The following PCNX1 variants were observed in gnomAD, a reference collection of about 807,000 sequenced individuals.
PCNX1 encodes pecanex 1.
PCNX1 carries 78 observed loss-of-function variants against 242.2 expected under a neutral mutation model. The observed-to-expected ratio is 0.32, with a 90% CI of 0.27 to 0.39. The LOEUF (loss-of-function observed/expected upper bound fraction) is 0.39, where lower values mean the gene tolerates loss of function less well. PCNX1 is among the 10% of genes least tolerant of loss of function. The pLI is 1.00. For missense variants in PCNX1, 2,581 were observed against 2,856.5 expected (o/e 0.90, Z 2.20); for synonymous variants, 1,024 against 1,032.9 (o/e 0.99, Z 0.17).
intron 28 of PCNX1, chr14:71,085,821 G>A: frequency 2.8e-6 from 1 of 362,084 alleles, no homozygotes; most frequent in Non-Finnish European, 5.6e-6. Flanking sequence ...CAGGTGCCTG[G>A]TTCTCTGTTT....
chr14:70,916,416 A>G (rs1042468817), intron 1 of PCNX1, among the ~76,000 whole-genome samples: 2 of 152,206 alleles, frequency 1.3e-5, no homozygotes, highest in African/African-American at 4.8e-5. Flanking sequence ...TGAAGACGAA[A>G]AAAGAGCCAG....
chr14:71,045,170 T>A lies in PCNX1; in HGVS notation c.3905T>A (p.Phe1302Tyr). Residue 1302 changes from phenylalanine (F) to tyrosine (Y), a missense_variant, in exon 20 of 36, where the codon TTT becomes TAT. Coordinates refer to ENST00000304743, the MANE Select transcript of PCNX1 (RefSeq NM_014982.3). ...TATGTGTTGTATACATTGGTTGGCT[T>A]TGTGGGTTTTGTAACCCATTATGTG... ...LKYVLYTLVG[F>Y]VGFVTHYVLP... 1 of 1,612,936 alleles carries A rather than the reference T, an allele frequency of 6.2e-7. No individual in the cohort carries two copies. Among genetic ancestry groups the A allele is most frequent in the Non-Finnish European group, 8.5e-7 (1 of 1,179,444 alleles).
chr14:70,969,279 C>T (rs924334517), intron 5 of PCNX1, 169 bp downstream of exon 5: 2 of 543,464 alleles, frequency 3.7e-6, no homozygotes, highest in Non-Finnish European at 6.6e-6. Flanking sequence ...GTTACACATG[C>T]TTTTAGCTTA....
intron 30 of PCNX1, among the ~76,000 whole-genome samples, chr14:71,098,755 G>C (rs910840148): frequency 1.3e-5 from 2 of 152,140 alleles, no homozygotes; most frequent in African/African-American, 2.4e-5. Context: ...GCAGCAAAGA[G>C]AGATACTTTG....
chr14:71,053,893 C>T (rs2061109492), intron 24 of PCNX1, among the ~76,000 whole-genome samples: 1 of 152,064 alleles, frequency 6.6e-6, no homozygotes, highest in Non-Finnish European at 1.5e-5. Context: ...TAAAAGACAG[C>T]TGGATTCTTG....
At chr14:70,986,250 A>C (rs1044835433) in intron 6 of PCNX1, among the ~76,000 whole-genome samples, 2 of 152,202 alleles carry the variant, frequency 1.3e-5, no homozygotes, top group African/African-American at 4.8e-5. Flanking sequence ...CATTTTGAAA[A>C]TTCTTGTAAC....
chr14:71,022,471 T>G (rs980098052), intron 12 of PCNX1, among the ~76,000 whole-genome samples: 6 of 152,016 alleles, frequency 3.9e-5, no homozygotes, highest in Admixed American at 2.0e-4. Context: ...TTATCTGGAG[T>G]CAAATCTAGC....
intron 1 of PCNX1, among the ~76,000 whole-genome samples, chr14:70,945,708 C>G (rs1302048619): frequency 1.3e-5 from 2 of 151,502 alleles, no homozygotes; most frequent in Non-Finnish European, 2.9e-5. Flanking sequence ...CACTGTGTCA[C>G]CCAGGCTGGA....
intron 1 of PCNX1, among the ~76,000 whole-genome samples, chr14:70,910,791 A>G (rs984583693): frequency 1.3e-5 from 2 of 152,230 alleles, no homozygotes; most frequent in African/African-American, 4.8e-5. Context: ...GACCTAGATT[A>G]GTGTAAAGCA....
intron 9 of PCNX1, among the ~76,000 whole-genome samples, chr14:71,010,076 C>G (rs1595228460): frequency 6.6e-6 from 1 of 151,992 alleles, no homozygotes; most frequent in African/African-American, 2.4e-5. Context: ...TTTATATTTA[C>G]TCTAATAATT....
chr14:70,992,616 T>C (rs1025259743), intron 7 of PCNX1, among the ~76,000 whole-genome samples: 1 of 152,342 alleles, frequency 6.6e-6, no homozygotes, highest in East Asian at 1.9e-4. Context: ...GAAGACCAAC[T>C]ATTTTTCAGT....
At position 71,051,963 on chromosome 14, in the gene PCNX1, T is replaced by A; in HGVS notation, c.4528T>A (p.Phe1510Ile). ...PLNPFLGSAIFITSYVRPVKF... is the reference protein window; with the variant it reads ...PLNPFLGSAIIITSYVRPVKF... Reference sequence around the variant, plus strand: ...GAACCCCTTTCTGGGAAGTGCAATATTCATCACTTCATATGTCCGACCTGT... The same window carrying A: ...GAACCCCTTTCTGGGAAGTGCAATAATCATCACTTCATATGTCCGACCTGT... Residue 1510 changes from phenylalanine (F) to isoleucine (I), a missense_variant, in exon 24 of 36, where the codon TTC becomes ATC. Coordinates refer to ENST00000304743, the MANE Select transcript of PCNX1 (RefSeq NM_014982.3). 2 of 1,613,470 alleles carry A rather than the reference T, an allele frequency of 1.2e-6. No homozygotes were observed. The highest frequency in any genetic ancestry group is 1.7e-6 in the Non-Finnish European group (2 of 1,179,484).
intron 1 of PCNX1, among the ~76,000 whole-genome samples, chr14:70,910,142 T>C (rs1479349068): frequency 1.3e-4 from 1 of 7,568 alleles, no homozygotes. Context: ...CTCCTCCCCC[T>C]CCCCCTCCTC....
At chr14:71,082,718 C>G (rs1216357277) in intron 28 of PCNX1, among the ~76,000 whole-genome samples, 2 of 152,010 alleles carry the variant, frequency 1.3e-5, no homozygotes, top group African/African-American at 4.8e-5. Context: ...TTCCTCCATC[C>G]CTTTATTTTG....
intron 11 of PCNX1, among the ~76,000 whole-genome samples, chr14:71,016,400 A>G (rs1283890807): frequency 6.6e-6 from 1 of 152,222 alleles, no homozygotes; most frequent in Non-Finnish European, 1.5e-5. Flanking sequence ...AACCAACCTA[A>G]ATTGGTTGCA....
chr14:70,977,672 T>G lies in PCNX1; in HGVS notation c.1335T>G (p.Ser445Arg). ...CAGAGGAGAAGAATAGCTGTGCCAG[T>G]GACAAAAGGACTAGCAGTGAAAAGA... ...AGPEEKNSCA[S>R]DKRTSSEKIA... is the part of the protein sequence containing the mutation. The change falls in exon 6 of 36, where the codon AGT becomes AGG. Residue 445 changes from serine (S) to arginine (R), a missense_variant. Physicochemically the swap from Ser to Arg is moderately radical, Grantham distance 110. Around this residue, in one of 9 missense-constraint regions of PCNX1, gnomAD observed 1,204 missense variants for 1,216.7 expected, o/e 0.99. Transcript: ENST00000304743. The G allele has an allele frequency of 6.2e-7, 1 of 1,613,944 alleles. No individual in the cohort carries two copies. The highest frequency in any genetic ancestry group is 8.5e-7 in the Non-Finnish European group (1 of 1,179,984).
At chr14:70,959,618 C>T (rs1037937463) in intron 2 of PCNX1, among the ~76,000 whole-genome samples, 17 of 151,020 alleles carry the variant, frequency 1.1e-4, no homozygotes, top group African/African-American at 3.9e-4. Context: ...TTTTCTTAAT[C>T]CAGTCTATCA....
intron 26 of PCNX1, among the ~76,000 whole-genome samples, chr14:71,071,700 A>G (rs923803473): frequency 6.6e-6 from 1 of 152,196 alleles, no homozygotes; most frequent in African/African-American, 2.4e-5. Flanking sequence ...TCTTTTCATT[A>G]CAAATTACCC....
chr14:71,091,750 A>G (rs893283410), intron 30 of PCNX1, among the ~76,000 whole-genome samples: 1 of 152,330 alleles, frequency 6.6e-6, no homozygotes, highest in South Asian at 2.1e-4. Flanking sequence ...GTAAACAAAC[A>G]AAGATGCAGT....
Sources: gnomAD v4.1 joint callset for allele counts (sites outside exome capture counted in the v4.1 genomes callset) on GRCh38, gnomAD v4.1.1 for gene constraint, gnomAD v4.1.1 regional missense constraint, MANE v1.5 for transcripts, NCBI Gene and HGNC (gene_info 2026-07-23, HGNC 2026-07-21) for gene names.